Variants in PREX1 observed in about 807,000 individuals in gnomAD.
PREX1 encodes phosphatidylinositol 3,4,5-trisphosphate-dependent Rac exchanger 1 protein.
In PREX1, 41 loss-of-function variants were observed where a neutral mutation model predicts 198.3. The ratio of observed to expected loss-of-function variants is 0.21; its 90% confidence interval spans 0.16 to 0.27. The LOEUF (loss-of-function observed/expected upper bound fraction) is 0.27, where lower values mean the gene tolerates loss of function less well. PREX1 is among the 10% of genes least tolerant of loss of function. The pLI is 1.00. For missense variants in PREX1, 1,620 were observed against 2,200.7 expected (o/e 0.74, Z 5.28); for synonymous variants, 843 against 887.2 (o/e 0.95, Z 0.89).
In PREX1 at chr20:48,809,541, G is replaced by C. The variant is rs557654721; in HGVS notation, c.219+18101C>G. On this transcript the variant is annotated intron_variant, in intron 1 of 39. Coordinates refer to ENST00000371941, the MANE Select transcript of PREX1 (RefSeq NM_020820.4). The stretch of plus-strand genomic sequence containing the variant: ...GTTTGAGATGGGTTTTCTGTCACTT[G>C]CAACCAAAGGATCCTGACAACCAGC... Among the ~76,000 whole-genome samples, 18 of 152,342 alleles carry C rather than the reference G, an allele frequency of 1.2e-4. No homozygotes were observed. The South Asian group carries it at 3.5e-3, about 30-fold the overall frequency.
Position 48,634,744 on chromosome 20 carries a change from C to G in PREX1, c.4199G>C (p.Trp1400Ser). The change falls in exon 33 of 40, where the codon TGG becomes TCG. Residue 1400 changes from tryptophan (W) to serine (S), a missense_variant. Trp to Ser is a radical substitution (Grantham distance 177). Coordinates refer to ENST00000371941, the MANE Select transcript of PREX1 (RefSeq NM_020820.4). The stretch of plus-strand genomic sequence containing the variant: ...ATTGTCCAGCTCTGACAGCGTCACC[C>G]AGATGTCCTCCAGCATGGTCCGTTC... ...KEERTMLEDI[W>S]VTLSELDNVT... 6.2e-7 allele frequency: 1 copy of G among 1,614,214 alleles called. No homozygotes were observed. Among genetic ancestry groups the G allele is most frequent in the South Asian group, 1.1e-5 (1 of 91,080 alleles).
At chr20:48,627,827 G>A (rs1238114203) in intron 38 of PREX1, 34 bp downstream of exon 38, 1 of 1,590,688 alleles carries the variant, frequency 6.3e-7, no homozygotes, top group Admixed American at 1.7e-5. Flanking sequence ...CTCAGCCCAG[G>A]GTGCTGGAGG....
At chr20:48,747,997 C>T (rs1341890221) in intron 1 of PREX1, 117 bp from the exon 2 acceptor site, 10 of 875,790 alleles carry the variant, frequency 1.1e-5, no homozygotes, top group African/African-American at 1.7e-5. Flanking sequence ...ACCACGAGTC[C>T]AGGGACACAG....
At chr20:48,794,479 A>C (rs2090351645) in intron 1 of PREX1, among the ~76,000 whole-genome samples, 1 of 152,210 alleles carries the variant, frequency 6.6e-6, no homozygotes, top group South Asian at 2.1e-4. Flanking sequence ...GAGGCCCAGC[A>C]GGAGCCTTTG....
chr20:48,767,707 C>CG (rs2090215459), intron 1 of PREX1, among the ~76,000 whole-genome samples: 2 of 152,168 alleles, frequency 1.3e-5, no homozygotes, highest in Non-Finnish European at 2.9e-5. Flanking sequence ...TCTCATTCCA[C>CG]TGCAGCCCCA....
At chr20:48,671,078 A>G (rs2089672020) in intron 14 of PREX1, among the ~76,000 whole-genome samples, 1 of 152,064 alleles carries the variant, frequency 6.6e-6, no homozygotes, top group South Asian at 2.1e-4. Flanking sequence ...CTAGCAAGCC[A>G]CCTCCCGAAG....
At chr20:48,857,830 G>T in the PREX1 span, among the ~76,000 whole-genome samples, 10 of 152,214 alleles carry the variant, frequency 6.6e-5, no homozygotes, top group African/African-American at 2.4e-4. Flanking sequence ...GTCAGTGAAG[G>T]GTCCCGGGGG....
At chr20:48,784,177 G>A (rs567241833) in intron 1 of PREX1, among the ~76,000 whole-genome samples, 1 of 152,310 alleles carries the variant, frequency 6.6e-6, no homozygotes, top group South Asian at 2.1e-4. Context: ...GACCATCAGA[G>A]AGTGCACAAG....
In PREX1 at chr20:48,651,588, A is replaced by C. The variant is rs1282637851; in HGVS notation, c.2468-5T>G. 1.2e-6 allele frequency: 2 copies of C among 1,611,756 alleles called. No homozygotes were observed. Among genetic ancestry groups the C allele is most frequent in the Non-Finnish European group, 1.7e-6 (2 of 1,178,932 alleles). ...CCAGGGACAGCAGTGGGAAGGCTGG[A>C]AGCCAAAAGAGGTGACATCTGAGCA... On this transcript the variant is annotated splice_polypyrimidine_tract_variant and splice_region_variant and intron_variant, in intron 21 of 39. Coordinates refer to ENST00000371941, the MANE Select transcript of PREX1 (RefSeq NM_020820.4).
At position 48,649,465 on chromosome 20, in the gene PREX1, T is replaced by C; in HGVS notation, c.3140A>G (p.Asp1047Gly). The part of the protein sequence containing the change: ...EGDPQGQGLH[D>G]GSFGPASGTL... ...CCCACTGGCTGGCCCGAAGCTGCCATCATGGAGACCCTGGCCTTGGGGATC... is the reference window on the plus strand; with the variant it reads ...CCCACTGGCTGGCCCGAAGCTGCCACCATGGAGACCCTGGCCTTGGGGATC... Residue 1047 changes from aspartate (D) to glycine (G), a missense_variant, in exon 25 of 40, where the codon GAT (aspartate) becomes GGT (glycine). Transcript: ENST00000371941. The C allele has an allele frequency of 6.2e-7, 1 of 1,614,166 alleles. No homozygotes were observed. The highest frequency in any genetic ancestry group is 8.5e-7 in the Non-Finnish European group (1 of 1,180,020).
upstream of PREX1, among the ~76,000 whole-genome samples, chr20:48,828,332 C>G (rs529369386): frequency 3.4e-4 from 51 of 152,128 alleles, no homozygotes; most frequent in South Asian, 4.1e-3. Context: ...CCCCCCAACC[C>G]GCAGTCACCG....
At position 48,625,760 on chromosome 20, in the gene PREX1, G is replaced by T; in HGVS notation, c.*125C>A. 1 of 1,170,594 alleles carries T rather than the reference G, an allele frequency of 8.5e-7. No homozygotes were observed. Among genetic ancestry groups the T allele is most frequent in the Non-Finnish European group, 1.2e-6 (1 of 857,858 alleles). 72.5% of individuals were successfully genotyped at this position (1,170,594 alleles called of 1,614,324 possible). On this transcript the variant is annotated 3_prime_UTR_variant, in exon 40 of 40. Transcript: ENST00000371941. ...CCGGAAGGAGGCAGGGAGGACGCTG[G>T]GCAGGTCCCGGAACGGGCGGCTGCG... is the stretch of plus-strand genomic sequence containing the variant.
chr20:48,626,157 G>A (rs963196513), intron 39 of PREX1, among the ~76,000 whole-genome samples: 7 of 152,208 alleles, frequency 4.6e-5, no homozygotes, highest in African/African-American at 7.2e-5. Flanking sequence ...AAATGAAGAC[G>A]TGTCTACAGG....
intron 1 of PREX1, among the ~76,000 whole-genome samples, chr20:48,766,376 A>G (rs928194919): frequency 3.9e-5 from 6 of 152,162 alleles, no homozygotes; most frequent in African/African-American, 7.2e-5. Context: ...GTGGTCACCC[A>G]CTGCCCTGCC....
intron 4 of PREX1, among the ~76,000 whole-genome samples, chr20:48,729,046 G>GC (rs2090021866): frequency 6.6e-6 from 1 of 151,832 alleles, no homozygotes; most frequent in Admixed American, 6.6e-5. Context: ...TGCCCATGCT[G>GC]CCCCCCTGGC....
At chr20:48,830,681 T>A (rs1568658294), upstream of PREX1, among the ~76,000 whole-genome samples, 1 of 152,214 alleles carries the variant, frequency 6.6e-6, no homozygotes, top group Non-Finnish European at 1.5e-5. Context: ...CTTTTTCCCC[T>A]TCCATCCCCA....
chr20:48,813,930 ACC>A (rs2090447951), intron 1 of PREX1, among the ~76,000 whole-genome samples: 1 of 152,184 alleles, frequency 6.6e-6, no homozygotes, highest in African/African-American at 2.4e-5. Context: ...TGTATTTACT[ACC>A]TTTGTGTTCA....
rs2090504149 is a variant in PREX1, at chr20:48,825,325, T to C, written c.219+2317A>G. ...GGAAGCCCGGATTCCCCGCTCCTTG[T>C]TTCACAGGTGGGGAAACTGAGGTCA... On this transcript the variant is annotated intron_variant, in intron 1 of 39. Coordinates refer to ENST00000371941, the MANE Select transcript of PREX1 (RefSeq NM_020820.4). Among the ~76,000 whole-genome samples the C allele has an allele frequency of 2.0e-5, 3 of 152,238 alleles. 1 individual carries two copies. In the South Asian group the frequency reaches 6.2e-4, roughly 32 times the overall value.
At chr20:48,847,364 TAAAAA>T in the PREX1 span, among the ~76,000 whole-genome samples, 9 of 77,232 alleles carry the variant, frequency 1.2e-4, no homozygotes, top group African/African-American at 4.2e-4. Context: ...CCTTCTCTTA[TAAAAA>T]AAAAAAAAAA....
Sources: allele counts gnomAD v4.1 joint callset (sites outside exome capture counted in the v4.1 genomes callset), GRCh38; gene constraint gnomAD v4.1.1; transcripts MANE v1.5; gene names NCBI Gene and HGNC (gene_info 2026-07-23, HGNC 2026-07-21).